CPNE2: variants seen among roughly 807,000 people sequenced by gnomAD.
The protein encoded by CPNE2 is copine 2, also known as copine-2.
Under a neutral mutation model 69.7 loss-of-function variants are expected in CPNE2, and 42 were observed. That is an observed-to-expected ratio of 0.60 (90% confidence interval 0.47 to 0.78). CPNE2 has a LOEUF of 0.78. Ranked by LOEUF, CPNE2 falls within the 30% of genes least tolerant of loss-of-function variation. The probability of loss-of-function intolerance (pLI) is 0.00; values close to 1 mark genes in which losing one functional copy is unlikely to be tolerated. For synonymous variants in CPNE2, 294 were observed against 289.8 expected, an observed-to-expected ratio of 1.01 and a Z score of -0.15; for missense variants, 587 against 732.0, an observed-to-expected ratio of 0.80 and a Z score of 2.29.
At chr16:57,108,935 A>G (rs1158550778) in intron 1 of CPNE2, among the ~76,000 whole-genome samples, 1 of 152,236 alleles carries the variant, frequency 6.6e-6, no homozygotes, top group Non-Finnish European at 1.5e-5. Context: ...GGGTTTGTCC[A>G]TTCATTCATT....
At chr16:57,140,796 C>T (rs995013579) in intron 14 of CPNE2, 8 of 151,600 alleles carry the variant, frequency 5.3e-5, no homozygotes, top group Admixed American at 5.3e-4. Flanking sequence ...AACTTGTGAC[C>T]TCAACTGATC....
intron 12 of CPNE2, among the ~76,000 whole-genome samples, chr16:57,128,521 C>A (rs768541495): frequency 6.6e-6 from 1 of 152,148 alleles, no homozygotes; most frequent in Non-Finnish European, 1.5e-5. Context: ...GCCACTGTGA[C>A]CAGTGCAGAT....
At chr16:57,098,557 GGAAAGT>G (rs2069593194) in intron 1 of CPNE2, among the ~76,000 whole-genome samples, 1 of 152,238 alleles carries the variant, frequency 6.6e-6, no homozygotes, top group South Asian at 2.1e-4. Flanking sequence ...CTGTGTGGCT[GGAAAGT>G]GGGGCCAGAT....
intron 6 of CPNE2, 94 bp from the exon 7 acceptor site, chr16:57,119,467 C>G: frequency 8.4e-7 from 1 of 1,187,994 alleles, no homozygotes; most frequent in Non-Finnish European, 1.2e-6. Flanking sequence ...GGCTGTGGGT[C>G]TGCATTTTGT....
Position 57,117,721 on chromosome 16 carries a change from C to T in CPNE2, c.507+154C>T, listed in dbSNP as rs1008827751. Among the ~76,000 whole-genome samples the T allele has an allele frequency of 2.6e-5, 4 of 152,324 alleles. No individual in the cohort carries two copies. In the East Asian group the frequency reaches 5.8e-4, roughly 22 times the overall value. On this transcript the variant is annotated intron_variant, in intron 5 of 15. Coordinates refer to ENST00000290776, the MANE Select transcript of CPNE2 (RefSeq NM_152727.6). ...CCCTCCTGGCCACTCCAGATTAGGACTCCTTCACCTCTGAGGTAGTGAGTG... is the reference window on the plus strand; with the variant it reads ...CCCTCCTGGCCACTCCAGATTAGGATTCCTTCACCTCTGAGGTAGTGAGTG...
At chr16:57,094,798 G>A (rs1189647382) in intron 1 of CPNE2, among the ~76,000 whole-genome samples, 2 of 152,152 alleles carry the variant, frequency 1.3e-5, no homozygotes, top group African/African-American at 4.8e-5. Context: ...CTAGGGGCAG[G>A]GGCCTGGGGT....
At chr16:57,118,167 CTTT>C (rs375042587) in intron 5 of CPNE2, among the ~76,000 whole-genome samples, 6 of 135,934 alleles carry the variant, frequency 4.4e-5, no homozygotes, top group Non-Finnish European at 4.8e-5. Flanking sequence ...TACTTTCTTT[CTTT>C]TTTTTTTTTT....
At position 57,116,498 on chromosome 16, in the gene CPNE2, G is replaced by A. The variant is rs115016057; in HGVS notation, c.435+948G>A. 6.5e-3 allele frequency among the ~76,000 whole-genome samples: 993 copies of A among 152,260 alleles called. 16 individuals are homozygous for A. Among genetic ancestry groups the A allele is most frequent in the African/African-American group, 0.023 (950 of 41,528 alleles). Reference sequence around the variant, plus strand: ...GGCCAGGAGTTTGAGGCTGCAGTGGGTTATGATCATGCTACTGCCCTCCAG... The same window carrying A: ...GGCCAGGAGTTTGAGGCTGCAGTGGATTATGATCATGCTACTGCCCTCCAG... On this transcript the variant is annotated intron_variant, in intron 4 of 15. Transcript: ENST00000290776.
intron 2 of CPNE2, among the ~76,000 whole-genome samples, chr16:57,112,296 C>G (rs1183620117): frequency 1.3e-5 from 2 of 152,106 alleles, no homozygotes; most frequent in Non-Finnish European, 2.9e-5. Flanking sequence ...GCTGAGGACT[C>G]CTGGGGGAGC....
intron 5 of CPNE2, among the ~76,000 whole-genome samples, chr16:57,117,787 G>C (rs1289928203): frequency 6.6e-6 from 1 of 152,122 alleles, no homozygotes; most frequent in Non-Finnish European, 1.5e-5. Flanking sequence ...CTGGAAACCT[G>C]CTCATTGGGG....
At chr16:57,119,952 A>T (rs115711467) in intron 7 of CPNE2, among the ~76,000 whole-genome samples, 2,099 of 152,318 alleles carry the variant, frequency 0.014, 46 homozygotes, top group African/African-American at 0.047. Context: ...CATGATGAGG[A>T]CAGTGATTAC....
chr16:57,110,964 T>C (rs758552500), intron 2 of CPNE2, 42 bp downstream of exon 2: 3 of 1,561,872 alleles, frequency 1.9e-6, no homozygotes, highest in East Asian at 2.4e-5. Context: ...AGGGGGTGGC[T>C]AGGCTGCTGG....
chr16:57,117,792 T>C (rs148323875), intron 5 of CPNE2, among the ~76,000 whole-genome samples: 7 of 152,306 alleles, frequency 4.6e-5, no homozygotes, highest in Non-Finnish European at 7.4e-5. Flanking sequence ...AACCTGCTCA[T>C]TGGGGCATCC....
At chr16:57,132,957 G>C (rs2069849085) in intron 12 of CPNE2, among the ~76,000 whole-genome samples, 2 of 152,088 alleles carry the variant, frequency 1.3e-5, no homozygotes, top group Admixed American at 6.5e-5. Context: ...TGAAGAGCGG[G>C]GGGCCCGAGA....
intron 13 of CPNE2, among the ~76,000 whole-genome samples, chr16:57,135,656 C>T (rs2069873683): frequency 6.7e-6 from 1 of 150,280 alleles, no homozygotes; most frequent in Non-Finnish European, 1.5e-5. Context: ...GTGGGTAGAT[C>T]AGAGGTCAGG....
intron 10 of CPNE2, chr16:57,125,535 T>C: frequency 5.0e-6 from 2 of 398,202 alleles, no homozygotes; most frequent in Non-Finnish European, 9.7e-6. Flanking sequence ...GCGAAGCTTA[T>C]GAATAAATGC....
intron 14 of CPNE2, chr16:57,141,222 G>A (rs912310693): frequency 6.6e-6 from 1 of 152,314 alleles, no homozygotes; most frequent in African/African-American, 2.4e-5. Context: ...GAGGGGGTTT[G>A]GGCCCCAGGA....
At position 57,146,970 on chromosome 16, in the gene CPNE2, TG is replaced by T; in HGVS notation, c.1540-576del. On this transcript the variant is annotated intron_variant, in intron 15 of 15. Transcript: ENST00000290776. The surrounding 1 kb of genome is among the most constrained non-coding windows in gnomAD (Gnocchi z 4.4). ...GTAATGCCACCCCCATACTGCTGGC[TG>T]GGGGCTTAACCCAGCCTCAGCAAGA... 1 of 153,172 alleles carries T rather than the reference TG, an allele frequency of 6.5e-6. No individual in the cohort carries two copies. Among genetic ancestry groups the T allele is most frequent in the Non-Finnish European group, 1.5e-5 (1 of 68,698 alleles). 9.5% of individuals were successfully genotyped at this position (153,172 alleles called of 1,614,324 possible).
intron 1 of CPNE2, among the ~76,000 whole-genome samples, chr16:57,110,309 T>C (rs1368478942): frequency 6.7e-6 from 1 of 150,180 alleles, no homozygotes; most frequent in African/African-American, 2.5e-5. Context: ...ACTGCAACCT[T>C]GAACTACTGG....
Sources: gnomAD v4.1 joint callset for allele counts (sites outside exome capture counted in the v4.1 genomes callset) on GRCh38, gnomAD v4.1.1 for gene constraint, Gnocchi (gnomAD v3.1) non-coding constraint, MANE v1.5 for transcripts, NCBI Gene and HGNC (gene_info 2026-07-23, HGNC 2026-07-21) for gene names.